The following MTA3 variants were observed in gnomAD, a reference collection of about 807,000 sequenced individuals.
MTA3 encodes the protein metastasis associated 1 family member 3.
MTA3 carries 34 observed loss-of-function variants against 83.5 expected under a neutral mutation model. That is an observed-to-expected ratio of 0.41 (90% CI 0.31 to 0.54). The LOEUF (loss-of-function observed/expected upper bound fraction) is 0.54. Ranked by LOEUF, MTA3 falls within the 20% of genes least tolerant of loss-of-function variation. The pLI, the probability that MTA3 is intolerant of heterozygous loss-of-function variation, is 0.33. For missense variants in MTA3, 761 were observed against 726.4 expected, an observed-to-expected ratio of 1.05 and a Z score of -0.55; for synonymous variants, 303 against 252.7, an observed-to-expected ratio of 1.20 and a Z score of -1.89.
chr2:42,726,773 G>GAA (rs1667850052), intron 16 of MTA3, among the ~76,000 whole-genome samples: 1 of 152,172 alleles, frequency 6.6e-6, no homozygotes, highest in Non-Finnish European at 1.5e-5. Context: ...GCCTTTTAAA[G>GAA]AAAGGCCTTG....
chr2:42,716,586 G>A (rs955107060), intron 14 of MTA3, among the ~76,000 whole-genome samples: 6 of 152,062 alleles, frequency 3.9e-5, no homozygotes, highest in Non-Finnish European at 8.8e-5. Context: ...GCAGTATTTG[G>A]TTTTCTGTTA....
chr2:42,642,623 C>T (rs1173762554), intron 5 of MTA3, among the ~76,000 whole-genome samples: 1 of 151,664 alleles, frequency 6.6e-6, no homozygotes, highest in Non-Finnish European at 1.5e-5. Context: ...AATGATCATC[C>T]CCTGTAGCTT....
chr2:42,626,664 C>T (rs1208244110), intron 4 of MTA3, among the ~76,000 whole-genome samples: 2 of 152,122 alleles, frequency 1.3e-5, no homozygotes, highest in Non-Finnish European at 2.9e-5. Flanking sequence ...CTAAGTCTTA[C>T]CCTCTTAGAC....
intron 3 of MTA3, 100 bp downstream of exon 3, chr2:42,579,300 C>T: frequency 1.6e-5 from 13 of 830,368 alleles, no homozygotes; most frequent in Non-Finnish European, 2.1e-5. Context: ...TTTGCTTGTC[C>T]ATTTATCTTC....
intron 2 of MTA3, among the ~76,000 whole-genome samples, chr2:42,528,553 C>G (rs191094974): frequency 1.4e-3 from 219 of 152,240 alleles, no homozygotes; most frequent in Non-Finnish European, 2.1e-3. Flanking sequence ...TGTGTCTTTG[C>G]GGAGAGCCAG....
intron 4 of MTA3, among the ~76,000 whole-genome samples, chr2:42,624,288 ATCT>A (rs2104213082): frequency 6.6e-6 from 1 of 152,100 alleles, no homozygotes; most frequent in Non-Finnish European, 1.5e-5. Context: ...TTCATTTTGT[ATCT>A]TAATGTATAT....
chr2:42,601,646 C>T (rs1402762090), intron 3 of MTA3, among the ~76,000 whole-genome samples: 2 of 152,204 alleles, frequency 1.3e-5, no homozygotes, highest in African/African-American at 4.8e-5. Flanking sequence ...CCTCGGCCTC[C>T]TGAGTAGCTG....
At chr2:42,624,659 G>A (rs999963615) in intron 4 of MTA3, among the ~76,000 whole-genome samples, 7 of 152,088 alleles carry the variant, frequency 4.6e-5, no homozygotes, top group African/African-American at 1.7e-4. Context: ...TTAACTTATA[G>A]CAGAGCTTCT....
chr2:42,696,662 T>C (rs1417089166), intron 10 of MTA3, among the ~76,000 whole-genome samples: 1 of 152,158 alleles, frequency 6.6e-6, no homozygotes, highest in African/African-American at 2.4e-5. Flanking sequence ...TCCCAGCATT[T>C]TGGGAGGCCG....
chr2:42,623,753 C>G (rs1346585386), intron 4 of MTA3, among the ~76,000 whole-genome samples: 3 of 148,196 alleles, frequency 2.0e-5, no homozygotes, highest in Non-Finnish European at 4.4e-5. Context: ...AGCAGTGGCA[C>G]AATCTCTGCT....
At chr2:42,694,397 C>G (rs965157938) in intron 9 of MTA3, among the ~76,000 whole-genome samples, 1 of 152,160 alleles carries the variant, frequency 6.6e-6, no homozygotes, top group Non-Finnish European at 1.5e-5. Context: ...AGCACTTCAG[C>G]CCATGGTCAT....
chr2:42,672,994 G>A (rs1017983054), intron 8 of MTA3, among the ~76,000 whole-genome samples: 4 of 151,684 alleles, frequency 2.6e-5, no homozygotes, highest in South Asian at 2.1e-4. Context: ...TTACAGGTGC[G>A]CGCCATCATG....
chr2:42,513,103 A>G (rs918714568), intron 2 of MTA3, among the ~76,000 whole-genome samples: 8 of 152,218 alleles, frequency 5.3e-5, no homozygotes, highest in Non-Finnish European at 8.8e-5. Context: ...AACTTGCTAA[A>G]TAACCAACTG....
At chr2:42,536,945 G>A (rs1307293136) in intron 2 of MTA3, among the ~76,000 whole-genome samples, 1 of 151,806 alleles carries the variant, frequency 6.6e-6, no homozygotes, top group African/African-American at 2.4e-5. Flanking sequence ...TCACCTGGGT[G>A]TAAGGAAAAA....
At chr2:42,533,919 T>C (rs901096798) in intron 2 of MTA3, among the ~76,000 whole-genome samples, 1 of 152,158 alleles carries the variant, frequency 6.6e-6, no homozygotes, top group Non-Finnish European at 1.5e-5. Flanking sequence ...TTCTTTTTAC[T>C]TTTTCTGTTG....
At chr2:42,647,188 C>T (rs1266319833) in intron 6 of MTA3, among the ~76,000 whole-genome samples, 1 of 99,276 alleles carries the variant, frequency 1.0e-5, no homozygotes, top group Non-Finnish European at 2.0e-5. Context: ...AGGAAGTCTA[C>T]CATAGGTAAA....
chr2:42,627,637 C>T lies in MTA3; in HGVS notation c.318-12536C>T, dbSNP rs1243197186. 3.3e-5 allele frequency among the ~76,000 whole-genome samples: 5 copies of T among 151,544 alleles called. No homozygotes were observed. In the South Asian group the frequency reaches 8.4e-4, roughly 25 times the overall value. ...GGAGTGCAGTGGTGTCATCTTGGCT[C>T]ACTGCAACCTCCACCTCAGGAGTTC... is the stretch of plus-strand genomic sequence containing the variant. On this transcript the variant is annotated intron_variant, in intron 4 of 16. Transcript: ENST00000405094.
intron 16 of MTA3, among the ~76,000 whole-genome samples, chr2:42,732,216 TG>T (rs1369259603): frequency 6.6e-6 from 1 of 152,210 alleles, no homozygotes; most frequent in African/African-American, 2.4e-5. Flanking sequence ...ATGAGGGCCC[TG>T]CCCCTGCAGC....
chr2:42,567,675 G>A (rs1677981417), upstream of MTA3, among the ~76,000 whole-genome samples: 1 of 151,564 alleles, frequency 6.6e-6, no homozygotes, highest in Admixed American at 6.6e-5. Context: ...TGTGAGAGTA[G>A]GAAGGCCGTG....
Sources: gnomAD v4.1 joint callset for allele counts (sites outside exome capture counted in the v4.1 genomes callset) on GRCh38, gnomAD v4.1.1 for gene constraint, MANE v1.5 for transcripts, NCBI Gene and HGNC (gene_info 2026-07-23, HGNC 2026-07-21) for gene names.